The following TAF8 variants were observed in gnomAD, a reference collection of about 807,000 sequenced individuals.
TAF8 encodes the protein transcription initiation factor TFIID subunit 8.
In TAF8, 47 loss-of-function variants were observed where a neutral mutation model predicts 36.5. The ratio of observed to expected loss-of-function variants is 1.29; its 90% CI spans 1.02 to 1.64. The LOEUF (loss-of-function observed/expected upper bound fraction) is 1.64, where lower values mean the gene tolerates loss of function less well. Among genes scored for constraint, TAF8 ranks in the 40% most tolerant of loss-of-function variants. The pLI is 0.00. For missense variants in TAF8, 420 were observed against 407.6 expected, an observed-to-expected ratio of 1.03 and a Z score of -0.26; for synonymous variants, 175 against 159.5, an observed-to-expected ratio of 1.10 and a Z score of -0.73.
At chr6:42,051,621 AGGGG>A in intron 2 of TAF8, 108 bp downstream of exon 2, 1 of 1,381,162 alleles carries the variant, frequency 7.2e-7, no homozygotes. Context: ...TTTTCTTAAG[AGGGG>A]AGAAAAAAAA....
intron 1 of TAF8, 154 bp downstream of exon 1, chr6:42,050,740 G>T (rs1246092254): frequency 5.7e-6 from 6 of 1,054,626 alleles, no homozygotes; most frequent in Non-Finnish European, 7.9e-6. Context: ...CCCCCTCCTT[G>T]GGACTTGGCT....
chr6:42,062,889 A>T (rs190237187), intron 5 of TAF8, among the ~76,000 whole-genome samples: 2 of 152,084 alleles, frequency 1.3e-5, no homozygotes, highest in African/African-American at 4.8e-5. Flanking sequence ...ATTCCCTTTA[A>T]CAAAAGCTAT....
intron 5 of TAF8, among the ~76,000 whole-genome samples, chr6:42,059,756 A>G (rs1009296397): frequency 2.0e-5 from 3 of 152,240 alleles, no homozygotes; most frequent in Admixed American, 6.5e-5. Flanking sequence ...GGAATGAACA[A>G]GGACAGCTTG....
Position 42,082,877 on chromosome 6 carries a change from G to A in TAF8, c.*5332G>A, listed in dbSNP as rs1188550608. The A allele has an allele frequency of 6.6e-6, 1 of 152,182 alleles. No homozygotes were observed. Among genetic ancestry groups the A allele is most frequent in the Non-Finnish European group, 1.5e-5 (1 of 68,040 alleles). The allele number at this position is 152,182 out of a possible 1,614,324, so 9.4% of individuals were successfully genotyped here. On this transcript the variant is annotated 3_prime_UTR_variant, in exon 9 of 9. Coordinates refer to ENST00000372977, the MANE Select transcript of TAF8 (RefSeq NM_138572.3). The stretch of plus-strand genomic sequence containing the variant: ...GCGGGGGCAGCTGGCCCAGGGTAGA[G>A]CTTTACCATGGACCCTGGCGCTCCT...
intron 7 of TAF8, among the ~76,000 whole-genome samples, chr6:42,074,288 A>G (rs888383623): frequency 1.8e-4 from 27 of 152,244 alleles, no homozygotes; most frequent in Non-Finnish European, 2.8e-4. Context: ...TGAACTGCCT[A>G]CCTGATACCC....
At chr6:42,086,910 C>T (rs774262005), downstream of TAF8, 61 of 744,764 alleles carry the variant, frequency 8.2e-5, 1 homozygote, top group East Asian at 4.3e-4. Context: ...GCCCAGGTGA[C>T]GGGCCAGGCG....
Position 42,066,452 on chromosome 6 carries a change from A to G in TAF8, c.630A>G (p.Thr210=), listed in dbSNP as rs1461787140. The stretch of plus-strand genomic sequence containing the variant: ...GTCTTTTCAAAGATGACGTCAGCAC[A>G]TTTCCATGTGAGAGTTGCCCCACTG... ...TQSLFKDDVS[T]FPLIAARPFT... is the part of the protein sequence containing the mutation. Residue 210 remains threonine, a synonymous_variant, in exon 6 of 9, where the codon ACA becomes ACG. Coordinates refer to ENST00000372977, the MANE Select transcript of TAF8 (RefSeq NM_138572.3). The G allele has an allele frequency of 2.5e-6, 4 of 1,613,982 alleles. No homozygotes were observed. The highest frequency in any genetic ancestry group is 2.2e-5 in the East Asian group (1 of 44,894).
chr6:42,083,295 C>T (rs557372704), downstream of TAF8: 1 of 152,322 alleles, frequency 6.6e-6, no homozygotes, highest in South Asian at 2.1e-4. Context: ...TTGTATAGTT[C>T]TACCATAACT....
intron 2 of TAF8, among the ~76,000 whole-genome samples, chr6:42,053,561 G>A (rs1383437542): frequency 4.3e-5 from 5 of 116,938 alleles, no homozygotes; most frequent in South Asian, 3.8e-4. Flanking sequence ...GCGAAACTCC[G>A]TCTCAAAAAA....
chr6:42,070,167 G>T (rs117115110), intron 7 of TAF8, among the ~76,000 whole-genome samples: 2 of 152,008 alleles, frequency 1.3e-5, no homozygotes, highest in Admixed American at 1.3e-4. Flanking sequence ...CACTAGCCAC[G>T]TGTAGGTATT....
Position 42,080,830 on chromosome 6 carries a change from A to T in TAF8, c.*3285A>T. 1 of 979,412 alleles carries T rather than the reference A, an allele frequency of 1.0e-6. No homozygotes were observed. Among genetic ancestry groups the T allele is most frequent in the South Asian group, 4.7e-5 (1 of 21,156 alleles). 60.7% of individuals were successfully genotyped at this position (979,412 alleles called of 1,614,324 possible). ...CTTTATGGGACTTCTTAGAGGCCAA[A>T]AGTAGTAAACATGCAGATTAAAAAT... is the stretch of plus-strand genomic sequence containing the variant. On this transcript the variant is annotated 3_prime_UTR_variant, in exon 9 of 9. Transcript: ENST00000372977.
rs377478038 is a variant in TAF8 at position 42,072,542 on chromosome 6, C to CTG, written c.780+3937_780+3938dup. On this transcript the variant is annotated intron_variant, in intron 7 of 8. Transcript: ENST00000372977. ...TGTTCTCTTCTTGCTTTTTTCCTGG[C>CTG]TGTATCTTGGCGGTCATTCCACATC... is the stretch of plus-strand genomic sequence containing the variant. Among the ~76,000 whole-genome samples the CTG allele has an allele frequency of 4.8e-3, 732 of 152,226 alleles. 6 individuals are homozygous for CTG. The highest frequency in any genetic ancestry group is 0.015 in the African/African-American group (617 of 41,526).
rs1765967695 is a variant in TAF8, at chr6:42,083,103, G to A, written c.*5558G>A. 1 of 152,170 alleles carries A rather than the reference G, an allele frequency of 6.6e-6. No homozygotes were observed. The highest frequency in any genetic ancestry group is 1.5e-5 in the Non-Finnish European group (1 of 68,042). 9.4% of individuals were successfully genotyped at this position (152,170 alleles called of 1,614,324 possible). A position where few individuals can be genotyped will look rare whatever the true frequency, so the allele number is the denominator to read the frequency against. On this transcript the variant is annotated 3_prime_UTR_variant, in exon 9 of 9. Coordinates refer to ENST00000372977, the MANE Select transcript of TAF8 (RefSeq NM_138572.3). The stretch of plus-strand genomic sequence containing the variant: ...TATCTTCCTCCTCCCCTGTTTCCCA[G>A]AGGCTCAGACCTCATCCCTGGCAGC...
rs1264301090 is a variant in TAF8, at chr6:42,079,159, G to C, written c.*1614G>C. On this transcript the variant is annotated 3_prime_UTR_variant, in exon 9 of 9. Transcript: ENST00000372977. ...AAAGGATAAAGTAAACAATAGGAAAGGATTTGGTGGGGTGAGGGTGGGGTG... is the reference window on the plus strand; with the variant it reads ...AAAGGATAAAGTAAACAATAGGAAACGATTTGGTGGGGTGAGGGTGGGGTG... The C allele has an allele frequency of 3.0e-6, 3 of 984,408 alleles. No individual in the cohort carries two copies. Among genetic ancestry groups the C allele is most frequent in the African/African-American group, 1.7e-5 (1 of 57,200 alleles). 61.0% of individuals were successfully genotyped at this position (984,408 alleles called of 1,614,324 possible).
intron 7 of TAF8, among the ~76,000 whole-genome samples, chr6:42,070,933 GGGCAAGGA>G (rs1765543270): frequency 6.6e-6 from 1 of 152,080 alleles, no homozygotes; most frequent in African/African-American, 2.4e-5. Context: ...AGACAAAGGT[GGGCAAGGA>G]GGTGTTCTAG....
At chr6:42,074,828 G>A (rs1448980268) in intron 7 of TAF8, among the ~76,000 whole-genome samples, 3 of 137,136 alleles carry the variant, frequency 2.2e-5, no homozygotes, top group Admixed American at 1.6e-4. Context: ...GAGCCACCAC[G>A]CCTGGCCTAC....
downstream of TAF8, chr6:42,086,885 C>A (rs1766037595): frequency 2.2e-6 from 2 of 898,932 alleles, no homozygotes; most frequent in African/African-American, 1.7e-5. Flanking sequence ...TGCTACCCCA[C>A]AAGCTTGTCA....
At chr6:42,062,992 A>G (rs543749704) in intron 5 of TAF8, among the ~76,000 whole-genome samples, 2 of 152,250 alleles carry the variant, frequency 1.3e-5, no homozygotes, top group East Asian at 3.9e-4. Context: ...TGCACTAGGG[A>G]CCCACCTTAC....
intron 5 of TAF8, among the ~76,000 whole-genome samples, chr6:42,061,755 A>G (rs536225413): frequency 2.0e-5 from 3 of 152,352 alleles, no homozygotes; most frequent in East Asian, 3.9e-4. Flanking sequence ...ATGATTTTGT[A>G]TCAGATAAGC....
Sources: allele counts gnomAD v4.1 joint callset (sites outside exome capture counted in the v4.1 genomes callset), GRCh38; gene constraint gnomAD v4.1.1; transcripts MANE v1.5; gene names NCBI Gene and HGNC (gene_info 2026-07-23, HGNC 2026-07-21).